RAD51B: variants seen among roughly 807,000 people sequenced by gnomAD.
RAD51B encodes DNA repair protein RAD51 homolog 2.
Under a neutral mutation model 42.2 loss-of-function variants are expected in RAD51B, and 38 were observed. The observed-to-expected ratio is 0.90, with a 90% confidence interval of 0.70 to 1.18. RAD51B has a LOEUF of 1.18. RAD51B is among the 50% of genes most tolerant of loss of function. The pLI is 0.00. For missense variants in RAD51B, 373 were observed against 400.7 expected (o/e 0.93, Z 0.59); for synonymous variants, 154 against 145.2 (o/e 1.06, Z -0.43).
intron 7 of RAD51B, among the ~76,000 whole-genome samples, chr14:68,173,760 GC>G (rs1331408357): frequency 1.3e-5 from 2 of 152,156 alleles, no homozygotes; most frequent in Non-Finnish European, 2.9e-5. Flanking sequence ...CCATTCAACT[GC>G]ACAGATAAAT....
intron 10 of RAD51B, among the ~76,000 whole-genome samples, chr14:68,557,224 G>T (rs1156884874): frequency 2.0e-5 from 3 of 152,168 alleles, no homozygotes; most frequent in African/African-American, 4.8e-5. Context: ...CCCATCGAAA[G>T]TTGAAAATAT....
At chr14:68,480,345 G>A (rs1789451212), downstream of RAD51B, among the ~76,000 whole-genome samples, 2 of 152,160 alleles carry the variant, frequency 1.3e-5, no homozygotes, top group Non-Finnish European at 1.5e-5. Context: ...CCAAAGTGCT[G>A]GGATTACAGG....
intron 7 of RAD51B, among the ~76,000 whole-genome samples, chr14:68,051,425 T>G (rs144209761): frequency 2.8e-3 from 425 of 152,236 alleles, no homozygotes; most frequent in Non-Finnish European, 4.7e-3. Flanking sequence ...TTTTGCTATA[T>G]AAATATGCTG....
At chr14:67,886,786 C>A (rs560178109) in intron 6 of RAD51B, 2 of 324,024 alleles carry the variant, frequency 6.2e-6, no homozygotes, top group Non-Finnish European at 1.1e-5. Context: ...AGAATTGGAG[C>A]GTTAACATTA....
intron 9 of RAD51B, among the ~76,000 whole-genome samples, chr14:68,423,996 C>G (rs536070552): frequency 2.1e-4 from 32 of 152,122 alleles, no homozygotes; most frequent in Non-Finnish European, 3.7e-4. Context: ...TTTCTGTGCT[C>G]TGGGTTTGGC....
intron 7 of RAD51B, among the ~76,000 whole-genome samples, chr14:67,941,132 CT>C (rs1817341602): frequency 6.6e-6 from 1 of 152,200 alleles, no homozygotes; most frequent in African/African-American, 2.4e-5. Context: ...TTTTATACAT[CT>C]GGACATTGTT....
chr14:68,316,370 C>T (rs1313865316), intron 8 of RAD51B, among the ~76,000 whole-genome samples: 3 of 152,216 alleles, frequency 2.0e-5, no homozygotes, highest in African/African-American at 7.2e-5. Flanking sequence ...TTTTTCAAAT[C>T]ATGGGGAGCC....
chr14:68,550,152 C>T (rs17755971), intron 10 of RAD51B, among the ~76,000 whole-genome samples: 10,398 of 152,332 alleles, frequency 0.068, 508 homozygotes, highest in Middle Eastern at 0.24. Context: ...CGTGCTCCCT[C>T]CTGGCCCATG....
At chr14:68,663,628 G>C (rs552875131) in intron 11 of RAD51B, among the ~76,000 whole-genome samples, 1 of 152,182 alleles carries the variant, frequency 6.6e-6, no homozygotes, top group Non-Finnish European at 1.5e-5. Context: ...TGTGCCGTCT[G>C]TCTCCTGCCA....
At chr14:68,514,095 G>A (rs1885954999) in intron 10 of RAD51B, among the ~76,000 whole-genome samples, 1 of 152,198 alleles carries the variant, frequency 6.6e-6, no homozygotes, top group Non-Finnish European at 1.5e-5. Flanking sequence ...TCCTCGCTCT[G>A]CTACTGACTA....
intron 7 of RAD51B, among the ~76,000 whole-genome samples, chr14:67,901,184 G>C (rs1327079498): frequency 6.6e-6 from 1 of 152,210 alleles, no homozygotes; most frequent in Non-Finnish European, 1.5e-5. Flanking sequence ...TGTTGCATCT[G>C]TGCATGCCTG....
intron 3 of RAD51B, among the ~76,000 whole-genome samples, chr14:67,834,284 T>C (rs1456884831): frequency 3.3e-5 from 5 of 151,344 alleles, no homozygotes; most frequent in Non-Finnish European, 7.4e-5. Context: ...TCCATGATTA[T>C]CCCTTCATCT....
intron 7 of RAD51B, among the ~76,000 whole-genome samples, chr14:68,100,127 C>T (rs759727500): frequency 6.6e-6 from 1 of 152,076 alleles, no homozygotes; most frequent in Non-Finnish European, 1.5e-5. Flanking sequence ...TCCCTGTCTA[C>T]ATGGGTAAGC....
At chr14:68,037,622 A>G (rs1279638537) in intron 7 of RAD51B, among the ~76,000 whole-genome samples, 1 of 152,204 alleles carries the variant, frequency 6.6e-6, no homozygotes, top group Admixed American at 6.5e-5. Flanking sequence ...CCATCTTGTC[A>G]TAAAGCGCAG....
intron 9 of RAD51B, among the ~76,000 whole-genome samples, chr14:68,412,006 T>C (rs899389110): frequency 4.6e-5 from 7 of 152,196 alleles, no homozygotes; most frequent in African/African-American, 1.7e-4. Flanking sequence ...TAGTGTAAAG[T>C]ACTGAATGAT....
intron 7 of RAD51B, among the ~76,000 whole-genome samples, chr14:67,922,823 C>G (rs1441723604): frequency 6.6e-6 from 1 of 152,014 alleles, no homozygotes; most frequent in Non-Finnish European, 1.5e-5. Flanking sequence ...TCCCAAGTAG[C>G]TGGGATTATA....
At chr14:68,133,076 G>C (rs1004443365) in intron 7 of RAD51B, among the ~76,000 whole-genome samples, 1 of 152,208 alleles carries the variant, frequency 6.6e-6, no homozygotes, top group African/African-American at 2.4e-5. Context: ...AAAGAATGTG[G>C]GGGGCAGGCA....
intron 7 of RAD51B, among the ~76,000 whole-genome samples, chr14:68,234,208 A>C (rs1316776310): frequency 1.3e-5 from 2 of 152,150 alleles, no homozygotes; most frequent in African/African-American, 4.8e-5. Context: ...AGATGTCTGG[A>C]TGGGTCATGC....
At chr14:68,231,976 T>C (rs2080159075) in intron 7 of RAD51B, among the ~76,000 whole-genome samples, 1 of 152,034 alleles carries the variant, frequency 6.6e-6, no homozygotes, top group South Asian at 2.1e-4. Context: ...TAATAAATAG[T>C]AATAAAATCC....
Sources: allele counts gnomAD v4.1 joint callset (sites outside exome capture counted in the v4.1 genomes callset), GRCh38; gene constraint gnomAD v4.1.1; transcripts MANE v1.5; gene names NCBI Gene and HGNC (gene_info 2026-07-23, HGNC 2026-07-21).